The following PCCA variants were observed in gnomAD, a reference collection of about 807,000 sequenced individuals.
PCCA encodes propionyl-CoA carboxylase alpha chain, mitochondrial.
Under a neutral mutation model 101.3 loss-of-function variants are expected in PCCA, and 74 were observed. The ratio of observed to expected loss-of-function variants is 0.73; its 90% CI spans 0.61 to 0.89. PCCA has a LOEUF of 0.89. PCCA is among the 40% of genes least tolerant of loss of function. The pLI, the probability that PCCA is intolerant of heterozygous loss-of-function variation, is 0.00. For missense variants in PCCA, 891 were observed against 907.0 expected, an observed-to-expected ratio of 0.98 and a Z score of 0.23; for synonymous variants, 294 against 313.6, an observed-to-expected ratio of 0.94 and a Z score of 0.66.
chr13:100,106,202 TA>T (rs1460616986), intron 2 of PCCA, among the ~76,000 whole-genome samples: 1 of 152,194 alleles, frequency 6.6e-6, no homozygotes, highest in East Asian at 1.9e-4. Flanking sequence ...TACAGGAAGT[TA>T]AGATTCCACT....
intron 21 of PCCA, among the ~76,000 whole-genome samples, chr13:100,464,095 A>AGAGT: frequency 6.6e-6 from 1 of 152,250 alleles, no homozygotes. Flanking sequence ...AGCACACCTT[A>AGAGT]GAGTGAGTGG....
At chr13:100,326,017 C>T (rs565212482) in intron 16 of PCCA, among the ~76,000 whole-genome samples, 4 of 152,168 alleles carry the variant, frequency 2.6e-5, no homozygotes, top group Admixed American at 1.3e-4. Flanking sequence ...TGGAAACGAT[C>T]GTTGACACTG....
chr13:100,257,739 AG>A, intron 9 of PCCA, 66 bp downstream of exon 9: 1 of 1,070,134 alleles, frequency 9.3e-7, no homozygotes, highest in African/African-American at 1.5e-5. Flanking sequence ...TTAAACTGAC[AG>A]GTAAACAGAT....
At chr13:100,319,697 G>C (rs1260474101) in intron 16 of PCCA, among the ~76,000 whole-genome samples, 1 of 152,154 alleles carries the variant, frequency 6.6e-6, no homozygotes, top group Non-Finnish European at 1.5e-5. Context: ...TGGTCCATAT[G>C]TCTGTTTTGG....
At chr13:100,305,120 C>G (rs1393921927) in intron 14 of PCCA, among the ~76,000 whole-genome samples, 1 of 152,140 alleles carries the variant, frequency 6.6e-6, no homozygotes, top group East Asian at 1.9e-4. Flanking sequence ...TTGGAAAAAG[C>G]AGCATAAATA....
chr13:100,416,896 T>C (rs1377051684), intron 19 of PCCA, among the ~76,000 whole-genome samples: 2 of 152,102 alleles, frequency 1.3e-5, no homozygotes, highest in Non-Finnish European at 2.9e-5. Context: ...CAGGCTGCAG[T>C]GCAATGGCGC....
chr13:100,241,819 A>G (rs2061155947), intron 8 of PCCA, among the ~76,000 whole-genome samples: 1 of 152,138 alleles, frequency 6.6e-6, no homozygotes, highest in African/African-American at 2.4e-5. Flanking sequence ...CCTCTTGGCT[A>G]TTGTAAATGG....
At chr13:100,307,568 T>G (rs1190151412) in intron 15 of PCCA, among the ~76,000 whole-genome samples, 1 of 152,220 alleles carries the variant, frequency 6.6e-6, no homozygotes, top group South Asian at 2.1e-4. Context: ...AATTAAGGTT[T>G]TTTTTGGCCA....
chr13:100,512,081 G>A (rs1229411733), intron 21 of PCCA, among the ~76,000 whole-genome samples: 2 of 152,088 alleles, frequency 1.3e-5, no homozygotes, highest in Non-Finnish European at 1.5e-5. Flanking sequence ...GTGACTAGCC[G>A]CCGCCTCCTG....
At chr13:100,390,151 T>C (rs562674248) in intron 19 of PCCA, among the ~76,000 whole-genome samples, 1 of 152,354 alleles carries the variant, frequency 6.6e-6, no homozygotes, top group East Asian at 1.9e-4. Context: ...ATATTTAATA[T>C]GTGTCAAGCA....
At chr13:100,517,147 G>T (rs1393884195) in intron 22 of PCCA, among the ~76,000 whole-genome samples, 1 of 150,622 alleles carries the variant, frequency 6.6e-6, no homozygotes, top group Non-Finnish European at 1.5e-5. Flanking sequence ...AACCGGAGTG[G>T]AGGGAGGGCG....
rs199751535 is a variant in PCCA, at chr13:100,420,808, T to TA, written c.1747-4817dup. Among the ~76,000 whole-genome samples, 679 of 151,990 alleles carry TA rather than the reference T, an allele frequency of 4.5e-3. 11 individuals are homozygous for TA. The highest frequency in any genetic ancestry group is 0.016 in the African/African-American group (661 of 41,478). ...TCCACCTGTTAACTCAAATGCAGTT[T>TA]AAAAAAAACAGCTACGATTTATTGT... On this transcript the variant is annotated intron_variant, in intron 19 of 23. Coordinates refer to ENST00000376285, the MANE Select transcript of PCCA (RefSeq NM_000282.4).
intron 19 of PCCA, among the ~76,000 whole-genome samples, chr13:100,409,617 C>T (rs1205586988): frequency 6.6e-6 from 1 of 152,126 alleles, no homozygotes; most frequent in African/African-American, 2.4e-5. Context: ...GGGCCCCTTC[C>T]CGCCTGGCTA....
intron 18 of PCCA, among the ~76,000 whole-genome samples, chr13:100,341,570 C>CGA (rs2071321519): frequency 6.6e-6 from 1 of 152,206 alleles, no homozygotes; most frequent in South Asian, 2.1e-4. Flanking sequence ...CTGGGCAACT[C>CGA]TAAGAGGCTT....
chr13:100,089,300 C>A, intron 1 of PCCA, 75 bp downstream of exon 1: 1 of 1,340,518 alleles, frequency 7.5e-7, no homozygotes, highest in South Asian at 1.9e-5. Flanking sequence ...CGGCTGGCGC[C>A]GGGAGAGCGC....
chr13:100,207,921 G>A (rs2058964044), intron 6 of PCCA, among the ~76,000 whole-genome samples: 3 of 152,074 alleles, frequency 2.0e-5, no homozygotes, highest in African/African-American at 7.2e-5. Flanking sequence ...GGGAGGCTGA[G>A]GCAGGAGAAT....
chr13:100,372,466 C>T (rs1024214414), intron 19 of PCCA, among the ~76,000 whole-genome samples: 4 of 152,106 alleles, frequency 2.6e-5, no homozygotes, highest in African/African-American at 9.7e-5. Flanking sequence ...AGCACAGGCA[C>T]AAAAGATAAA....
chr13:100,296,291 A>G (rs770134434), intron 12 of PCCA, among the ~76,000 whole-genome samples: 10 of 151,732 alleles, frequency 6.6e-5, no homozygotes, highest in African/African-American at 2.4e-5. Flanking sequence ...CCCAGACTGG[A>G]GTGCAGTGGC....
At chr13:100,134,828 A>T (rs1461019061) in intron 4 of PCCA, among the ~76,000 whole-genome samples, 1 of 152,098 alleles carries the variant, frequency 6.6e-6, no homozygotes, top group African/African-American at 2.4e-5. Context: ...GTGAGCCACC[A>T]TGCCTAGCCT....
Sources: gnomAD v4.1 joint callset for allele counts (sites outside exome capture counted in the v4.1 genomes callset) on GRCh38, gnomAD v4.1.1 for gene constraint, MANE v1.5 for transcripts, NCBI Gene and HGNC (gene_info 2026-07-23, HGNC 2026-07-21) for gene names.